SNX29: variants seen among roughly 807,000 people sequenced by gnomAD.
SNX29 encodes sorting nexin 29.
Under a neutral mutation model 102.1 loss-of-function variants are expected in SNX29, and 78 were observed. The observed-to-expected ratio is 0.76, with a 90% CI of 0.64 to 0.92. The LOEUF (loss-of-function observed/expected upper bound fraction) is 0.92. SNX29 is among the 40% of genes least tolerant of loss of function. The pLI is 0.00. For synonymous variants in SNX29, 580 were observed against 414.5 expected (o/e 1.40, Z -4.85); for missense variants, 1,280 against 1,061.7 (o/e 1.21, Z -2.86).
intron 15 of SNX29, among the ~76,000 whole-genome samples, chr16:12,296,103 G>T (rs2079971320): frequency 2.0e-5 from 3 of 152,082 alleles, no homozygotes; most frequent in South Asian, 4.1e-4. Flanking sequence ...TCTTCCTTCG[G>T]TGGTAAAAAG....
intron 19 of SNX29, among the ~76,000 whole-genome samples, chr16:12,508,971 A>C (rs536138950): frequency 6.6e-6 from 1 of 152,100 alleles, no homozygotes; most frequent in South Asian, 2.1e-4. Context: ...TTCAGGTTGG[A>C]GATAGTGTCC....
intron 13 of SNX29, among the ~76,000 whole-genome samples, chr16:12,135,983 C>T (rs2054644480): frequency 6.6e-6 from 1 of 152,198 alleles, no homozygotes; most frequent in African/African-American, 2.4e-5. Flanking sequence ...TCCAGACTTC[C>T]CTTCGTGTAT....
chr16:12,453,724 T>G (rs939068025), intron 18 of SNX29, among the ~76,000 whole-genome samples: 1 of 152,196 alleles, frequency 6.6e-6, no homozygotes, highest in Non-Finnish European at 1.5e-5. Flanking sequence ...AAAGTTACCC[T>G]TCAAAGACTG....
intron 18 of SNX29, among the ~76,000 whole-genome samples, chr16:12,441,365 T>A (rs957009149): frequency 6.6e-6 from 1 of 151,962 alleles, no homozygotes; most frequent in South Asian, 2.1e-4. Flanking sequence ...TGGGATTACA[T>A]GTGTGAGCCA....
In SNX29 at chr16:12,078,577, G is replaced by A. The variant is rs115596202; in HGVS notation, c.1320-256G>A. On this transcript the variant is annotated intron_variant, in intron 10 of 20. Coordinates refer to ENST00000566228, the MANE Select transcript of SNX29 (RefSeq NM_032167.5). Reference sequence around the variant, plus strand: ...ATGCACATTAGGGAGTGAAATTATTGGCCTCTGCACGTGTTCATGAATGAT... The same window carrying A: ...ATGCACATTAGGGAGTGAAATTATTAGCCTCTGCACGTGTTCATGAATGAT... Among the ~76,000 whole-genome samples the A allele has an allele frequency of 5.8e-3, 886 of 152,264 alleles. 6 individuals carry two copies. The highest frequency in any genetic ancestry group is 0.02 in the African/African-American group (851 of 41,544).
chr16:12,557,801 C>G (rs535216265), intron 20 of SNX29: 1 of 152,212 alleles, frequency 6.6e-6, no homozygotes, highest in Non-Finnish European at 1.5e-5. Context: ...TACAGGATCA[C>G]TATCATATCT....
At chr16:12,242,330 G>A (rs577948585) in intron 14 of SNX29, among the ~76,000 whole-genome samples, 32 of 145,750 alleles carry the variant, frequency 2.2e-4, no homozygotes, top group African/African-American at 8.1e-4. Flanking sequence ...GATTCTCATA[G>A]GAGAATCTAA....
chr16:12,019,925 C>T (rs1182008442), intron 3 of SNX29, among the ~76,000 whole-genome samples: 5 of 152,176 alleles, frequency 3.3e-5, no homozygotes, highest in Admixed American at 6.5e-5. Context: ...GCATGAGCCA[C>T]TGCACCTGGC....
intron 15 of SNX29, among the ~76,000 whole-genome samples, chr16:12,319,913 G>T (rs1473372528): frequency 6.6e-6 from 1 of 152,192 alleles, no homozygotes; most frequent in Non-Finnish European, 1.5e-5. Flanking sequence ...TTCCTTGGTG[G>T]CAGGTTTCTT....
intron 15 of SNX29, among the ~76,000 whole-genome samples, chr16:12,324,758 CAG>C (rs1195295203): frequency 6.6e-6 from 1 of 152,098 alleles, no homozygotes; most frequent in African/African-American, 2.4e-5. Flanking sequence ...GAACACAGCT[CAG>C]AGCTGACAAA....
Position 12,172,387 on chromosome 16 carries a change from C to T in SNX29, c.1596-27214C>T, listed in dbSNP as rs923561317. 3.5e-4 allele frequency among the ~76,000 whole-genome samples: 53 copies of T among 152,098 alleles called. 2 individuals are homozygous for T. Among genetic ancestry groups the T allele is most frequent in the Non-Finnish European group, 1.2e-4 (8 of 68,022 alleles). On this transcript the variant is annotated intron_variant, in intron 13 of 20. Coordinates refer to ENST00000566228, the MANE Select transcript of SNX29 (RefSeq NM_032167.5). The stretch of plus-strand genomic sequence containing the variant: ...ATTTTACTCTTCTGCTGGGTGGTAC[C>T]TCCAATATCTCTGAGTCCCCCAGGG...
chr16:12,279,651 G>A (rs1472619199), intron 15 of SNX29, among the ~76,000 whole-genome samples: 5 of 152,208 alleles, frequency 3.3e-5, no homozygotes, highest in Non-Finnish European at 5.9e-5. Context: ...GGATTGGGAC[G>A]ACTTGTGTCA....
intron 15 of SNX29, among the ~76,000 whole-genome samples, chr16:12,327,831 A>T (rs568575540): frequency 1.3e-5 from 2 of 152,224 alleles, no homozygotes; most frequent in African/African-American, 4.8e-5. Context: ...CACTCCCATG[A>T]GGTGACCATT....
At chr16:12,561,712 T>G (rs891870700) in intron 20 of SNX29, among the ~76,000 whole-genome samples, 12 of 152,004 alleles carry the variant, frequency 7.9e-5, no homozygotes, top group African/African-American at 2.9e-4. Context: ...CCCAGTGCTG[T>G]GTTAAGTTGC....
At chr16:12,488,212 C>G (rs1268093031) in intron 19 of SNX29, among the ~76,000 whole-genome samples, 3 of 151,990 alleles carry the variant, frequency 2.0e-5, no homozygotes, top group Non-Finnish European at 2.9e-5. Context: ...CTGTTCTGTT[C>G]CCATCCTGCA....
At chr16:12,453,409 T>C (rs1290534521) in intron 18 of SNX29, among the ~76,000 whole-genome samples, 1 of 152,204 alleles carries the variant, frequency 6.6e-6, no homozygotes, top group Non-Finnish European at 1.5e-5. Flanking sequence ...CCTGGGCACA[T>C]CATATAACCC....
chr16:12,457,313 T>C (rs1235530228), intron 18 of SNX29, among the ~76,000 whole-genome samples: 2 of 152,172 alleles, frequency 1.3e-5, no homozygotes, highest in African/African-American at 4.8e-5. Flanking sequence ...TTGGCCAGGG[T>C]TGTCCAGCTG....
intron 15 of SNX29, among the ~76,000 whole-genome samples, chr16:12,309,952 C>G (rs565469337): frequency 3.1e-4 from 47 of 152,290 alleles, no homozygotes; most frequent in African/African-American, 7.9e-4. Flanking sequence ...ACTTCTTGAG[C>G]TAAATATGCA....
chr16:12,554,249 G>T (rs565089619), intron 20 of SNX29, among the ~76,000 whole-genome samples: 1 of 152,198 alleles, frequency 6.6e-6, no homozygotes, highest in Non-Finnish European at 1.5e-5. Context: ...CGGCTGCATC[G>T]TCTCTGCCTT....
Sources: allele counts gnomAD v4.1 joint callset (sites outside exome capture counted in the v4.1 genomes callset), GRCh38; gene constraint gnomAD v4.1.1; transcripts MANE v1.5; gene names NCBI Gene and HGNC (gene_info 2026-07-23, HGNC 2026-07-21).